Variants in SHC4 observed in about 807,000 individuals in gnomAD.
The protein encoded by SHC4 is SHC-transforming protein 4.
SHC4 carries 41 observed loss-of-function variants against 69.4 expected under a neutral mutation model. The observed-to-expected ratio is 0.59, with a 90% confidence interval of 0.46 to 0.77. SHC4 has a LOEUF of 0.77. SHC4 is among the 30% of genes least tolerant of loss of function. SHC4 has a pLI of 0.00. For missense variants in SHC4, 777 were observed against 783.8 expected (o/e 0.99, Z 0.10); for synonymous variants, 318 against 299.3 (o/e 1.06, Z -0.64).
chr15:48,951,729 G>A (rs928031302), intron 1 of SHC4, among the ~76,000 whole-genome samples: 1 of 152,090 alleles, frequency 6.6e-6, no homozygotes, highest in Non-Finnish European at 1.5e-5. Flanking sequence ...TTAAAACTCA[G>A]GTAAGATACC....
At chr15:48,848,265 C>T (rs79838307) in intron 9 of SHC4, among the ~76,000 whole-genome samples, 5 of 152,148 alleles carry the variant, frequency 3.3e-5, no homozygotes, top group African/African-American at 9.6e-5. Context: ...GGTTCCTCAC[C>T]GGAACTCAGA....
chr15:48,874,512 C>G (rs773896507), intron 4 of SHC4, among the ~76,000 whole-genome samples: 3 of 152,186 alleles, frequency 2.0e-5, no homozygotes, highest in African/African-American at 7.2e-5. Context: ...CCTGTCAGAT[C>G]AGTGGCGACA....
chr15:48,926,461 CTT>C (rs59533063), intron 1 of SHC4, among the ~76,000 whole-genome samples: 11,588 of 145,266 alleles, frequency 0.08, 629 homozygotes, highest in African/African-American at 0.16. Context: ...AATAGTATTT[CTT>C]TTTTTTTTTT....
intron 2 of SHC4, among the ~76,000 whole-genome samples, chr15:48,916,499 T>C (rs1900624502): frequency 6.6e-6 from 1 of 151,396 alleles, no homozygotes; most frequent in Non-Finnish European, 1.5e-5. Flanking sequence ...TCTGTTTCCT[T>C]GTTGCTTTAG....
At chr15:48,924,769 T>G in intron 2 of SHC4, 110 bp downstream of exon 2, 1 of 1,143,002 alleles carries the variant, frequency 8.7e-7, no homozygotes, top group Non-Finnish European at 1.3e-6. Context: ...TCCAGTCGCG[T>G]GAATAAAAGT....
chr15:48,949,034 A>G (rs952105565), intron 1 of SHC4, among the ~76,000 whole-genome samples: 4 of 152,028 alleles, frequency 2.6e-5, no homozygotes, highest in Admixed American at 6.5e-5. Context: ...TGTGTCTTCC[A>G]CTGGCATCTC....
intron 10 of SHC4, among the ~76,000 whole-genome samples, chr15:48,837,406 A>G (rs1898918661): frequency 6.6e-6 from 1 of 152,224 alleles, no homozygotes; most frequent in African/African-American, 2.4e-5. Context: ...AAATCTAGGA[A>G]AGAGAAAAAC....
At chr15:48,916,273 TCACACACACA>T (rs71120648) in intron 2 of SHC4, among the ~76,000 whole-genome samples, 1,494 of 142,440 alleles carry the variant, frequency 0.01, 12 homozygotes, top group South Asian at 0.015. Flanking sequence ...TGATGGTTGC[TCACACACACA>T]CACACACACA....
chr15:48,837,096 C>T (rs1205535871), intron 10 of SHC4, among the ~76,000 whole-genome samples: 1 of 152,136 alleles, frequency 6.6e-6, no homozygotes, highest in African/African-American at 2.4e-5. Context: ...TGTGGGTATA[C>T]ACGTCTTAAT....
chr15:48,864,055 T>A (rs1899505306), intron 6 of SHC4, among the ~76,000 whole-genome samples: 1 of 152,220 alleles, frequency 6.6e-6, no homozygotes, highest in Non-Finnish European at 1.5e-5. Context: ...TTTCTTTGCC[T>A]ATTTTTTTTA....
At chr15:48,876,331 T>C (rs1899797938) in intron 4 of SHC4, among the ~76,000 whole-genome samples, 2 of 152,166 alleles carry the variant, frequency 1.3e-5, no homozygotes, top group South Asian at 4.1e-4. Flanking sequence ...GCCAGGGTCT[T>C]CTTTCTCCCA....
intron 8 of SHC4, 86 bp from the exon 9 acceptor site, chr15:48,851,334 G>A: frequency 8.0e-7 from 1 of 1,244,642 alleles, no homozygotes. Context: ...AATCCCAGAA[G>A]AATATAGCAG....
At chr15:48,884,216 T>C (rs372954500) in intron 4 of SHC4, 32 bp downstream of exon 4, 4 of 1,571,546 alleles carry the variant, frequency 2.5e-6, no homozygotes, top group South Asian at 1.2e-5. Flanking sequence ...AAAATAGATA[T>C]GTTTATCTAT....
In SHC4 at chr15:48,856,159, C is replaced by T. The variant is rs16961733; in HGVS notation, c.1071-35G>A. 378 of 1,586,126 alleles carry T rather than the reference C, an allele frequency of 2.4e-4. 3 individuals carry two copies. The South Asian group carries it at 3.1e-3, about 13-fold the overall frequency. ...AAAAAAGAATCCTCAAGAGGCTGGG[C>T]GAAAATTCAAATACTGTAAGGGATG... is the stretch of plus-strand genomic sequence containing the variant. On this transcript the variant is annotated intron_variant, in intron 7 of 11. Coordinates refer to ENST00000332408, the MANE Select transcript of SHC4 (RefSeq NM_203349.4).
At chr15:48,874,127 T>C (rs1304254695) in intron 4 of SHC4, among the ~76,000 whole-genome samples, 2 of 152,248 alleles carry the variant, frequency 1.3e-5, no homozygotes, top group South Asian at 2.1e-4. Context: ...CCTAAATTCA[T>C]ATGAAAGAAT....
intron 11 of SHC4, among the ~76,000 whole-genome samples, chr15:48,828,013 T>G (rs769205187): frequency 2.6e-5 from 4 of 152,020 alleles, no homozygotes; most frequent in Non-Finnish European, 5.9e-5. Context: ...CTGCAGACAC[T>G]TGTGTTTGTA....
intron 2 of SHC4, among the ~76,000 whole-genome samples, chr15:48,898,102 C>G (rs914562780): frequency 2.0e-5 from 3 of 152,174 alleles, no homozygotes; most frequent in African/African-American, 7.2e-5. Context: ...TCTCATTGTT[C>G]TAGGGAAACC....
intron 9 of SHC4, among the ~76,000 whole-genome samples, chr15:48,848,637 T>C (rs981357077): frequency 6.6e-6 from 1 of 152,218 alleles, no homozygotes; most frequent in Non-Finnish European, 1.5e-5. Flanking sequence ...AATCTTCTTA[T>C]AGTGGCTTAG....
chr15:48,943,596 A>G (rs952628098), intron 1 of SHC4, among the ~76,000 whole-genome samples: 2 of 152,068 alleles, frequency 1.3e-5, no homozygotes, highest in Non-Finnish European at 2.9e-5. Context: ...TGCTGATTTC[A>G]TTTCCTTTGG....
Sources: gnomAD v4.1 joint callset for allele counts (sites outside exome capture counted in the v4.1 genomes callset) on GRCh38, gnomAD v4.1.1 for gene constraint, MANE v1.5 for transcripts, NCBI Gene and HGNC (gene_info 2026-07-23, HGNC 2026-07-21) for gene names.